LRCH1: variants seen among roughly 807,000 people sequenced by gnomAD.
LRCH1 encodes leucine-rich repeat and calponin homology domain-containing protein 1.
In LRCH1, 23 loss-of-function variants were observed where a neutral mutation model predicts 94.9. That is an observed-to-expected ratio of 0.24 (90% confidence interval 0.17 to 0.34). The LOEUF (loss-of-function observed/expected upper bound fraction) is 0.34, where lower values mean the gene tolerates loss of function less well. Ranked by LOEUF, LRCH1 falls within the 10% of genes least tolerant of loss-of-function variation. The probability of loss-of-function intolerance (pLI) is 1.00; values close to 1 mark genes in which losing one functional copy is unlikely to be tolerated. For missense variants in LRCH1, 790 were observed against 945.9 expected (o/e 0.84, Z 2.16); for synonymous variants, 364 against 354.9 (o/e 1.03, Z -0.29).
chr13:46,753,041 A>G (rs1874205651), downstream of LRCH1: 1 of 151,452 alleles, frequency 6.6e-6, no homozygotes, highest in Non-Finnish European at 1.5e-5. Flanking sequence ...ATTTGTACAA[A>G]CCACTTTGTG....
intron 16 of LRCH1, among the ~76,000 whole-genome samples, chr13:46,719,761 GC>G (rs1473746448): frequency 6.6e-6 from 1 of 152,080 alleles, no homozygotes; most frequent in African/African-American, 2.4e-5. Context: ...ACTTTGGGAG[GC>G]TGAGGCAGGT....
Position 46,723,273 on chromosome 13 carries a change from C to A in LRCH1, c.1812C>A (p.Ile604=), listed in dbSNP as rs1261370138. ...NLESIDPQFT[I]RRKMEQMREE... ...AATCTATAGACCCGCAGTTTACAAT[C>A]CGGAGGAAAATGGAGCAGATGAGAG... is the stretch of plus-strand genomic sequence containing the variant. Residue 604 remains isoleucine, a synonymous_variant, in exon 17 of 20, where the codon ATC becomes ATA. Coordinates refer to ENST00000389797, the MANE Select transcript of LRCH1 (RefSeq NM_001164211.2). 5 of 1,613,618 alleles carry A rather than the reference C, an allele frequency of 3.1e-6. No individual in the cohort carries two copies. The highest frequency in any genetic ancestry group is 4.2e-6 in the Non-Finnish European group (5 of 1,179,784).
At chr13:46,751,544 C>T (rs543106594) in exon 19 of LRCH1, 1 of 152,142 alleles carries the variant, frequency 6.6e-6, no homozygotes, top group East Asian at 1.9e-4. Context: ...ACATATTAAA[C>T]TTGAAGCTAA....
chr13:46,677,255 CAAAAAAA>C (rs67827727), intron 3 of LRCH1, among the ~76,000 whole-genome samples: 1,927 of 98,096 alleles, frequency 0.02, 37 homozygotes, highest in African/African-American at 0.065. Context: ...ACTAAAAATA[CAAAAAAA>C]AAAAAAAAAA....
At position 46,715,660 on chromosome 13, in the gene LRCH1, C is replaced by T. The variant is rs533078248; in HGVS notation, c.1755C>T (p.Asp585=). The change falls in exon 16 of 20, where the codon GAC becomes GAT. Residue 585 remains aspartate, a synonymous_variant. Coordinates refer to ENST00000389797, the MANE Select transcript of LRCH1 (RefSeq NM_001164211.2). The part of the protein sequence containing the change: ...SYSVPSEGDS[D]NVFLRPQRNL... ...GTGTTCCATCTGAAGGAGACAGTGACAATGGTAGGTGGCTTTGTACCTATT... is the reference window on the plus strand; with the variant it reads ...GTGTTCCATCTGAAGGAGACAGTGATAATGGTAGGTGGCTTTGTACCTATT... The T allele has an allele frequency of 1.3e-6, 2 of 1,529,944 alleles. No homozygotes were observed. The highest frequency in any genetic ancestry group is 4.9e-5 in the East Asian group (2 of 40,884). The allele number at this position is 1,529,944 out of a possible 1,614,324, so 94.8% of individuals were successfully genotyped here. A position where few individuals can be genotyped will look rare whatever the true frequency, so the allele number is the denominator to read the frequency against.
chr13:46,675,698 C>T (rs190823986), intron 3 of LRCH1, among the ~76,000 whole-genome samples: 81 of 152,306 alleles, frequency 5.3e-4, no homozygotes, highest in Non-Finnish European at 8.1e-4. Context: ...CATAAATTCA[C>T]GTGCTCGCCA....
At chr13:46,573,866 A>ATATATATATATATATTTTT in intron 1 of LRCH1, among the ~76,000 whole-genome samples, 10 of 63,384 alleles carry the variant, frequency 1.6e-4, no homozygotes, top group East Asian at 1.3e-3. Context: ...ATATATATAT[A>ATATATATATATATATTTTT]TTTTTTTTTT....
chr13:46,614,203 C>T (rs2050779675), intron 1 of LRCH1, among the ~76,000 whole-genome samples: 1 of 152,030 alleles, frequency 6.6e-6, no homozygotes, highest in Non-Finnish European at 1.5e-5. Context: ...TTGTGTGGTA[C>T]TCTAGATTTT....
At chr13:46,595,794 A>G (rs542627450) in intron 1 of LRCH1, among the ~76,000 whole-genome samples, 3 of 152,100 alleles carry the variant, frequency 2.0e-5, no homozygotes, top group Non-Finnish European at 4.4e-5. Flanking sequence ...TGGTTGTTCT[A>G]GATGTGGAGT....
At chr13:46,555,174 T>C (rs1227849595) in intron 1 of LRCH1, among the ~76,000 whole-genome samples, 1 of 152,204 alleles carries the variant, frequency 6.6e-6, no homozygotes, top group African/African-American at 2.4e-5. Context: ...GGGGAGTGTC[T>C]TTCAATAAGA....
intron 3 of LRCH1, among the ~76,000 whole-genome samples, chr13:46,677,602 A>T (rs842367): frequency 0.66 from 100,569 of 151,966 alleles, 33,879 homozygotes; most frequent in African/African-American, 0.79. Context: ...AATATATTAA[A>T]CTCCAACATG....
chr13:46,750,822 A>C, exon 19 of LRCH1: 1 of 490,486 alleles, frequency 2.0e-6, no homozygotes, highest in Non-Finnish European at 3.6e-6. Context: ...TTCAGAGCTG[A>C]CCTCCGACTT....
chr13:46,684,568 G>C (rs531406712), intron 4 of LRCH1, among the ~76,000 whole-genome samples: 1 of 152,084 alleles, frequency 6.6e-6, no homozygotes, highest in African/African-American at 2.4e-5. Flanking sequence ...TAACCATCTC[G>C]GAGATAGGTT....
intron 5 of LRCH1, among the ~76,000 whole-genome samples, chr13:46,686,755 A>G (rs950220363): frequency 1.3e-5 from 2 of 152,140 alleles, no homozygotes; most frequent in Non-Finnish European, 2.9e-5. Flanking sequence ...TCTCTGCTGA[A>G]GAGAATAATA....
At position 46,620,289 on chromosome 13, in the gene LRCH1, G is replaced by A. The variant is rs146020901; in HGVS notation, c.308-29912G>A. Among the ~76,000 whole-genome samples the A allele has an allele frequency of 2.2e-4, 34 of 151,872 alleles. No homozygotes were observed. The East Asian group carries it at 6.4e-3, about 29-fold the overall frequency. On this transcript the variant is annotated intron_variant, in intron 1 of 19. Transcript: ENST00000389797. ...CTGAGGTGGTAGGATCACTCGAGCC[G>A]AGGAGCTGGAGGTAGCAGTCAGCTG...
intron 3 of LRCH1, among the ~76,000 whole-genome samples, chr13:46,671,664 C>A (rs978422056): frequency 6.6e-6 from 1 of 152,276 alleles, no homozygotes; most frequent in South Asian, 2.1e-4. Flanking sequence ...TCTTTTAATG[C>A]TTCTTTTAGG....
At chr13:46,651,180 C>T (rs990554724) in intron 2 of LRCH1, among the ~76,000 whole-genome samples, 21 of 152,206 alleles carry the variant, frequency 1.4e-4, no homozygotes, top group African/African-American at 4.6e-4. Flanking sequence ...AGCCTTTACT[C>T]ATGTCATTGC....
intron 1 of LRCH1, 80 bp downstream of exon 1, chr13:46,553,783 TC>T (rs2050030774): frequency 6.4e-7 from 1 of 1,561,854 alleles, no homozygotes; most frequent in African/African-American, 1.4e-5. Context: ...CGGTGGACAG[TC>T]GGAGATCTTG....
intron 3 of LRCH1, among the ~76,000 whole-genome samples, chr13:46,679,166 C>T (rs1434053956): frequency 2.0e-5 from 3 of 152,238 alleles, no homozygotes. Context: ...TCCCCACGAG[C>T]ACGCCCATTT....
Sources: allele counts gnomAD v4.1 joint callset (sites outside exome capture counted in the v4.1 genomes callset), GRCh38; gene constraint gnomAD v4.1.1; transcripts MANE v1.5; gene names NCBI Gene and HGNC (gene_info 2026-07-23, HGNC 2026-07-21).